TMEM11: variants seen among roughly 807,000 people sequenced by gnomAD.
TMEM11 encodes transmembrane protein 11, mitochondrial.
A neutral mutation model predicts 17.0 loss-of-function variants in TMEM11; 1 was observed. The ratio of observed to expected loss-of-function variants is 0.06; its 90% CI spans 0.02 to 0.28. The LOEUF (loss-of-function observed/expected upper bound fraction) is 0.28, where lower values mean the gene tolerates loss of function less well. TMEM11 is among the 10% of genes least tolerant of loss of function. TMEM11 has a pLI of 1.00. For missense variants in TMEM11, 172 were observed against 252.9 expected (o/e 0.68, Z 2.17); for synonymous variants, 122 against 118.1 (o/e 1.03, Z -0.21).
intron 1 of TMEM11, among the ~76,000 whole-genome samples, chr17:21,202,124 C>T (rs76892496): frequency 0.014 from 2,135 of 152,266 alleles, 22 homozygotes; most frequent in Non-Finnish European, 0.02. Flanking sequence ...CAGGTGGGAG[C>T]ACTCCTGGCC....
chr17:21,211,181 T>C (rs1041992995), intron 1 of TMEM11: 12 of 1,289,738 alleles, frequency 9.3e-6, no homozygotes, highest in African/African-American at 1.5e-5. Flanking sequence ...AGAATTCAGG[T>C]TACAGCTCAG....
chr17:21,207,097 A>G (rs1840721225), intron 1 of TMEM11, among the ~76,000 whole-genome samples: 1 of 152,168 alleles, frequency 6.6e-6, no homozygotes, highest in African/African-American at 2.4e-5. Flanking sequence ...ATTTAAATGG[A>G]ATCCTGTAAC....
At chr17:21,209,717 C>T (rs947513502) in intron 1 of TMEM11, among the ~76,000 whole-genome samples, 4 of 152,026 alleles carry the variant, frequency 2.6e-5, no homozygotes, top group African/African-American at 7.3e-5. Context: ...TGCAGAGATC[C>T]GAGATCATAC....
chr17:21,205,799 T>C (rs1413961275), intron 1 of TMEM11, among the ~76,000 whole-genome samples: 2 of 152,026 alleles, frequency 1.3e-5, no homozygotes, highest in African/African-American at 4.8e-5. Flanking sequence ...GGATCATATA[T>C]AGTATATGCC....
At position 21,198,866 on chromosome 17, in the gene TMEM11, GA is replaced by G; in HGVS notation, c.63-27del. 7.7e-7 allele frequency: 1 copy of G among 1,290,820 alleles called. No homozygotes were observed. The highest frequency in any genetic ancestry group is 1.0e-6 in the Non-Finnish European group (1 of 966,038). 80.0% of individuals were successfully genotyped at this position (1,290,820 alleles called of 1,614,324 possible). A position where few individuals can be genotyped will look rare whatever the true frequency, so the allele number is the denominator to read the frequency against. On this transcript the variant is annotated intron_variant, in intron 1 of 1. Coordinates refer to ENST00000317635, the MANE Select transcript of TMEM11 (RefSeq NM_003876.3). The surrounding 1 kb of genome is among the most constrained non-coding windows in gnomAD (Gnocchi z 6.5). ...CTTTTGATGGAGGGGGCAGGAAAGG[GA>G]GAGAGAGAGAGAGACAGGATGATTA...
intron 1 of TMEM11, among the ~76,000 whole-genome samples, chr17:21,212,332 A>T (rs1396592321): frequency 6.6e-6 from 1 of 152,068 alleles, no homozygotes; most frequent in Admixed American, 6.5e-5. Flanking sequence ...AAGCAGGCAA[A>T]TGCATTGAGT....
chr17:21,204,435 TA>T (rs71160127), intron 1 of TMEM11, among the ~76,000 whole-genome samples: 2,085 of 96,820 alleles, frequency 0.022, 13 homozygotes, highest in African/African-American at 0.047. Context: ...TCCGTCTCAA[TA>T]AAAAAAAAAA....
chr17:21,209,086 C>T (rs1974975102), intron 1 of TMEM11, among the ~76,000 whole-genome samples: 1 of 152,220 alleles, frequency 6.6e-6, no homozygotes, highest in African/African-American at 2.4e-5. Context: ...CACGGGCATG[C>T]GGCCCCATGG....
rs1472051508 is a variant in TMEM11, at chr17:21,214,108, G to A, written c.45C>T (p.Gly15=). 1 of 1,611,478 alleles carries A rather than the reference G, an allele frequency of 6.2e-7. No individual in the cohort carries two copies. Among genetic ancestry groups the A allele is most frequent in the Non-Finnish European group, 8.5e-7 (1 of 1,179,480 alleles). ...GATCTCACCTCTCTCGGGCGCTGCC[G>A]CCACTGCTGCCCGGGCCAAGACGCC... ...GRRRLGPGSS[G]GSARERVSLS... Residue 15 remains glycine (G), a synonymous_variant, in exon 1 of 2, where the codon GGC becomes GGT. Transcript: ENST00000317635.
At position 21,198,025 on chromosome 17, in the gene TMEM11, T is replaced by TA. The variant is rs1258384325; in HGVS notation, c.*298dup. On this transcript the variant is annotated 3_prime_UTR_variant, in exon 2 of 2. Coordinates refer to ENST00000317635, the MANE Select transcript of TMEM11 (RefSeq NM_003876.3). The surrounding 1 kb of genome is among the most constrained non-coding windows in gnomAD (Gnocchi z 6.5). ...GGATGGTACAGTTAAACAATAGACTTAAAGACCTCCCCCAAAGCACGTCCA... is the reference window on the plus strand; with the variant it reads ...GGATGGTACAGTTAAACAATAGACTTAAAAGACCTCCCCCAAAGCACGTCCA... 9.0e-6 allele frequency: 3 copies of TA among 334,544 alleles called. No individual in the cohort carries two copies. The highest frequency in any genetic ancestry group is 1.2e-4 in the South Asian group (2 of 16,598). The allele number at this position is 334,544 out of a possible 1,614,324, so 20.7% of individuals were successfully genotyped here.
chr17:21,203,694 G>GAAAAAAAAAA (rs1555542164), intron 1 of TMEM11, among the ~76,000 whole-genome samples: 1 of 143,650 alleles, frequency 7.0e-6, no homozygotes, highest in Non-Finnish European at 1.5e-5. Context: ...ATGACAGAAA[G>GAAAAAAAAAA]AAAAAAAAGA....
intron 1 of TMEM11, chr17:21,208,479 G>T (rs1264083436): frequency 6.6e-6 from 1 of 152,070 alleles, no homozygotes; most frequent in Non-Finnish European, 1.5e-5. Context: ...ATGAAAGGCA[G>T]AAGTCTGGAC....
At chr17:21,210,111 C>T (rs940518436) in intron 1 of TMEM11, among the ~76,000 whole-genome samples, 3 of 152,224 alleles carry the variant, frequency 2.0e-5, no homozygotes, top group African/African-American at 7.2e-5. Context: ...TCCCCACCTC[C>T]GTGGACCCAG....
At chr17:21,213,966 C>T (rs987626224) in intron 1 of TMEM11, 125 bp downstream of exon 1, 217 of 946,646 alleles carry the variant, frequency 2.3e-4, no homozygotes, top group Non-Finnish European at 3.1e-4. Context: ...CCCAGTATGC[C>T]CGGCGAGGGT....
At chr17:21,202,126 C>T (rs1169114509) in intron 1 of TMEM11, among the ~76,000 whole-genome samples, 1 of 152,172 alleles carries the variant, frequency 6.6e-6, no homozygotes, top group Non-Finnish European at 1.5e-5. Flanking sequence ...GGTGGGAGCA[C>T]TCCTGGCCAA....
intron 1 of TMEM11, among the ~76,000 whole-genome samples, chr17:21,209,387 TG>T (rs1283947883): frequency 1.3e-5 from 2 of 152,242 alleles, no homozygotes; most frequent in Non-Finnish European, 2.9e-5. Context: ...GCAGTGAAGA[TG>T]GGAACAGTCG....
At chr17:21,204,819 C>A (rs1376018865) in intron 1 of TMEM11, among the ~76,000 whole-genome samples, 1 of 152,082 alleles carries the variant, frequency 6.6e-6, no homozygotes, top group Non-Finnish European at 1.5e-5. Context: ...TGATCCTAAA[C>A]ACATCATGCC....
chr17:21,198,467 G>A lies in TMEM11; in HGVS notation c.436C>T (p.Leu146=), dbSNP rs9906188. 1.4e-3 allele frequency: 2,292 copies of A among 1,614,216 alleles called. 26 individuals are homozygous for A. The African/African-American group carries it at 0.023, about 16-fold the overall frequency. The part of the protein sequence containing the change: ...VEYDAYKLSR[L]PLHTLTSSTP... The stretch of plus-strand genomic sequence containing the variant: ...GAGGAGGTGAGTGTGTGCAGAGGCA[G>A]GCGCGACAGTTTATAGGCGTCGTAC... Residue 146 remains leucine, a synonymous_variant, in exon 2 of 2, where the codon CTG becomes TTG. Transcript: ENST00000317635. The surrounding 1 kb of genome is among the most constrained non-coding windows in gnomAD (Gnocchi z 6.5).
intron 1 of TMEM11, among the ~76,000 whole-genome samples, chr17:21,207,374 A>G (rs578028816): frequency 1.3e-5 from 2 of 151,932 alleles, no homozygotes; most frequent in South Asian, 2.1e-4. Context: ...TACTAAAAAT[A>G]CAAAAATTAG....
Sources: gnomAD v4.1 joint callset for allele counts (sites outside exome capture counted in the v4.1 genomes callset) on GRCh38, gnomAD v4.1.1 for gene constraint, Gnocchi (gnomAD v3.1) non-coding constraint, MANE v1.5 for transcripts, NCBI Gene and HGNC (gene_info 2026-07-23, HGNC 2026-07-21) for gene names.